CBX1: variants seen among roughly 807,000 people sequenced by gnomAD.
The protein encoded by CBX1 is chromobox protein homolog 1.
Under a neutral mutation model 25.1 loss-of-function variants are expected in CBX1, and 10 were observed. That is an observed-to-expected ratio of 0.40 (90% CI 0.25 to 0.68). The LOEUF is 0.68. CBX1 is among the 30% of genes least tolerant of loss of function. CBX1 has a pLI of 0.40. For missense variants in CBX1, 106 were observed against 218.5 expected (o/e 0.49, Z 3.25); for synonymous variants, 63 against 79.4 (o/e 0.79, Z 1.10).
chr17:48,074,976 A>AC (rs2037660891), intron 4 of CBX1, 30 bp downstream of exon 4: 1 of 1,495,152 alleles, frequency 6.7e-7, no homozygotes, highest in African/African-American at 1.4e-5. Flanking sequence ...AAGAAAAAAA[A>AC]CAACCACACA....
chr17:48,085,609 T>C (rs541326933), intron 1 of CBX1, among the ~76,000 whole-genome samples: 9 of 151,558 alleles, frequency 5.9e-5, no homozygotes, highest in Non-Finnish European at 1.2e-4. Flanking sequence ...AATATGAAGG[T>C]ATTCATTGTT....
chr17:48,097,959 G>A (rs2063384377), intron 1 of CBX1, among the ~76,000 whole-genome samples: 1 of 152,166 alleles, frequency 6.6e-6, no homozygotes, highest in East Asian at 1.9e-4. Flanking sequence ...CTATTTGCTT[G>A]CTGACAAAAC....
At chr17:48,073,013 T>C (rs1218383340) in intron 4 of CBX1, among the ~76,000 whole-genome samples, 1 of 151,856 alleles carries the variant, frequency 6.6e-6, no homozygotes, top group East Asian at 1.9e-4. Context: ...TCCCAACTAT[T>C]CGGGAGGCTG....
intron 1 of CBX1, among the ~76,000 whole-genome samples, chr17:48,087,161 C>G (rs538934783): frequency 2.8e-4 from 42 of 149,934 alleles, no homozygotes; most frequent in African/African-American, 1.0e-3. Context: ...TGCACTCTAG[C>G]CTGGGCAACA....
intron 1 of CBX1, among the ~76,000 whole-genome samples, chr17:48,078,639 G>A (rs992861424): frequency 6.6e-6 from 1 of 151,222 alleles, no homozygotes; most frequent in African/African-American, 2.4e-5. Context: ...ACAGGTGCCC[G>A]CCATTACGCC....
chr17:48,083,400 T>C (rs2037757162), intron 1 of CBX1, among the ~76,000 whole-genome samples: 1 of 150,700 alleles, frequency 6.6e-6, no homozygotes, highest in Non-Finnish European at 1.5e-5. Context: ...TGGTTTGTTG[T>C]ACCTTCTTGG....
chr17:48,076,325 G>C, intron 2 of CBX1, 147 bp from the exon 3 acceptor site: 1 of 559,360 alleles, frequency 1.8e-6, no homozygotes, highest in Non-Finnish European at 2.9e-6. Context: ...TAAATAGAAA[G>C]CTAAGAAACT....
chr17:48,079,352 C>T (rs1468103071), intron 1 of CBX1, among the ~76,000 whole-genome samples: 3 of 151,872 alleles, frequency 2.0e-5, no homozygotes, highest in African/African-American at 7.3e-5. Flanking sequence ...GTGATCCACC[C>T]GCCATGGCCT....
intron 1 of CBX1, 81 bp from the exon 2 acceptor site, chr17:48,077,122 G>A: frequency 1.9e-6 from 2 of 1,063,178 alleles, no homozygotes; most frequent in Non-Finnish European, 2.7e-6. Flanking sequence ...AGAAAACCAG[G>A]GACATGACAG....
intron 1 of CBX1, among the ~76,000 whole-genome samples, chr17:48,091,503 T>C (rs1225728475): frequency 1.3e-5 from 2 of 150,504 alleles, no homozygotes; most frequent in Non-Finnish European, 3.0e-5. Flanking sequence ...GCCTCCCAAG[T>C]AGCTGGGATT....
At chr17:48,074,232 G>A (rs2037653787) in intron 4 of CBX1, among the ~76,000 whole-genome samples, 1 of 152,214 alleles carries the variant, frequency 6.6e-6, no homozygotes, top group African/African-American at 2.4e-5. Flanking sequence ...GTGTGTGTGT[G>A]TGTGTGTTTT....
At chr17:48,072,538 A>C (rs1272539321) in intron 4 of CBX1, among the ~76,000 whole-genome samples, 1 of 152,136 alleles carries the variant, frequency 6.6e-6, no homozygotes, top group Non-Finnish European at 1.5e-5. Context: ...CTGTAATCCC[A>C]GCACTTTGGG....
At chr17:48,078,555 T>G (rs887034828) in intron 1 of CBX1, among the ~76,000 whole-genome samples, 3 of 151,934 alleles carry the variant, frequency 2.0e-5, no homozygotes, top group Non-Finnish European at 4.4e-5. Flanking sequence ...AATGGTGTGA[T>G]CTCAATTTAC....
At chr17:48,081,510 C>G (rs1160790664) in intron 1 of CBX1, among the ~76,000 whole-genome samples, 1 of 152,200 alleles carries the variant, frequency 6.6e-6, no homozygotes, top group African/African-American at 2.4e-5. Context: ...GCACTCTCAG[C>G]TCACTGCAAC....
intron 1 of CBX1, among the ~76,000 whole-genome samples, chr17:48,091,060 A>T (rs2144461155): frequency 6.6e-6 from 1 of 152,344 alleles, no homozygotes; most frequent in Non-Finnish European, 1.5e-5. Context: ...AGAAACCCGA[A>T]CTACAAGGAG....
chr17:48,077,780 G>A (rs2037692238), intron 1 of CBX1, among the ~76,000 whole-genome samples: 1 of 152,094 alleles, frequency 6.6e-6, no homozygotes, highest in Non-Finnish European at 1.5e-5. Flanking sequence ...CCAGTAGTGT[G>A]TGACCAGCCT....
intron 2 of CBX1, among the ~76,000 whole-genome samples, 185 bp downstream of exon 2, chr17:48,076,680 A>G (rs1378122118): frequency 6.6e-6 from 1 of 152,158 alleles, no homozygotes; most frequent in African/African-American, 2.4e-5. Flanking sequence ...CAAAAGAAAT[A>G]ATTTTTAAAA....
At chr17:48,080,951 AATATATATATATATATATATATATATAT>A (rs1323670486) in intron 1 of CBX1, among the ~76,000 whole-genome samples, 30 of 33,278 alleles carry the variant, frequency 9.0e-4, no homozygotes, top group Admixed American at 7.8e-3. Context: ...AAAAAAAAAA[AATATATATATATATATATATATATATAT>A]ATATATATAT....
intron 1 of CBX1, 115 bp downstream of exon 1, chr17:48,101,153 C>A: frequency 1.0e-6 from 1 of 986,658 alleles, no homozygotes; most frequent in Non-Finnish European, 1.2e-6. Flanking sequence ...TGGACCCGGG[C>A]GCGCTCCCCG....
Sources: allele counts gnomAD v4.1 joint callset (sites outside exome capture counted in the v4.1 genomes callset), GRCh38; gene constraint gnomAD v4.1.1; transcripts MANE v1.5; gene names NCBI Gene and HGNC (gene_info 2026-07-23, HGNC 2026-07-21).